ZNF804B: variants seen among roughly 807,000 people sequenced by gnomAD.
The protein encoded by ZNF804B is zinc finger 804B.
In ZNF804B, 80 loss-of-function variants were observed where a neutral mutation model predicts 101.4. The ratio of observed to expected loss-of-function variants is 0.79; its 90% CI spans 0.66 to 0.95. ZNF804B has a LOEUF of 0.95. ZNF804B is among the 40% of genes least tolerant of loss of function. The pLI, the probability that ZNF804B is intolerant of heterozygous loss-of-function variation, is 0.00. For synonymous variants in ZNF804B, 622 were observed against 558.8 expected, an observed-to-expected ratio of 1.11 and a Z score of -1.59; for missense variants, 1,673 against 1,561.9, an observed-to-expected ratio of 1.07 and a Z score of -1.20.
In ZNF804B at chr7:88,824,635, G is replaced by A. The variant is rs569640367; in HGVS notation, c.108+64551G>A. Reference sequence around the variant, plus strand: ...AAACACCACTTCTTGACCTGTTCCTGGCCCTTTCATCTATTTCTTCACTAT... The same window carrying A: ...AAACACCACTTCTTGACCTGTTCCTAGCCCTTTCATCTATTTCTTCACTAT... On this transcript the variant is annotated intron_variant, in intron 1 of 3. Transcript: ENST00000333190. 3.2e-4 allele frequency among the ~76,000 whole-genome samples: 49 copies of A among 152,146 alleles called. No individual in the cohort carries two copies. The South Asian group carries it at 1.0e-2, about 31-fold the overall frequency.
rs185624401 is a variant in ZNF804B at position 89,320,007 on chromosome 7, T to A, written c.250-7337T>A. Among the ~76,000 whole-genome samples, 6 of 147,878 alleles carry A rather than the reference T, an allele frequency of 4.1e-5. No homozygotes were observed. In the East Asian group the frequency reaches 1.2e-3, roughly 30 times the overall value. Reference sequence around the variant, plus strand: ...ATATAAGTCAAGAACATATTGCTCATCATCAAGAGGTATAATAGTCAATAC... The same window carrying A: ...ATATAAGTCAAGAACATATTGCTCAACATCAAGAGGTATAATAGTCAATAC... On this transcript the variant is annotated intron_variant, in intron 2 of 3. Transcript: ENST00000333190.
chr7:89,076,505 TC>T (rs368325855), intron 1 of ZNF804B, among the ~76,000 whole-genome samples: 34 of 152,242 alleles, frequency 2.2e-4, no homozygotes, highest in African/African-American at 8.2e-4. Flanking sequence ...CTCTTTTTCT[TC>T]CCAGTCTCAG....
At chr7:89,148,337 G>A (rs994250812) in intron 1 of ZNF804B, among the ~76,000 whole-genome samples, 1 of 151,988 alleles carries the variant, frequency 6.6e-6, no homozygotes, top group East Asian at 1.9e-4. Flanking sequence ...AGTTACTAGT[G>A]AAAGTGTTTG....
intron 1 of ZNF804B, among the ~76,000 whole-genome samples, chr7:88,860,453 G>A (rs749207911): frequency 3.9e-5 from 6 of 152,018 alleles, no homozygotes; most frequent in Non-Finnish European, 8.8e-5. Context: ...GCCCTGGTGG[G>A]TAGCAAAATT....
chr7:89,329,410 A>G (rs1277877792), intron 3 of ZNF804B, among the ~76,000 whole-genome samples: 3 of 151,840 alleles, frequency 2.0e-5, no homozygotes, highest in Non-Finnish European at 4.4e-5. Flanking sequence ...AAAGTTAAAA[A>G]TAAAATAAAA....
intron 2 of ZNF804B, among the ~76,000 whole-genome samples, chr7:89,263,243 G>A (rs1359340827): frequency 1.3e-5 from 2 of 152,118 alleles, no homozygotes; most frequent in Non-Finnish European, 2.9e-5. Flanking sequence ...CTCCAGCTGT[G>A]AGACCATGCT....
intron 2 of ZNF804B, among the ~76,000 whole-genome samples, chr7:89,233,023 G>A (rs1303526686): frequency 2.0e-5 from 3 of 152,090 alleles, no homozygotes; most frequent in Non-Finnish European, 4.4e-5. Flanking sequence ...CCGGGTTCAC[G>A]CCATTTTCCT....
chr7:88,997,657 G>A (rs1267122071), intron 1 of ZNF804B, among the ~76,000 whole-genome samples: 1 of 152,000 alleles, frequency 6.6e-6, no homozygotes, highest in Non-Finnish European at 1.5e-5. Flanking sequence ...GAAACCTGAA[G>A]GAATCATCTA....
At chr7:88,859,603 T>G (rs1791619064) in intron 1 of ZNF804B, among the ~76,000 whole-genome samples, 1 of 152,044 alleles carries the variant, frequency 6.6e-6, no homozygotes, top group Admixed American at 6.6e-5. Context: ...TTTTCTAGTT[T>G]TGATCTGACA....
At position 89,142,304 on chromosome 7, in the gene ZNF804B, TTTGTTG is replaced by T. The variant is rs148973759; in HGVS notation, c.109-75836_109-75831del. Among the ~76,000 whole-genome samples the T allele has an allele frequency of 7.2e-5, 11 of 151,802 alleles. No individual in the cohort carries two copies. In the South Asian group the frequency reaches 1.5e-3, roughly 20 times the overall value. ...TTGTTGTTTTTTGTTTTATTTTTCT[TTTGTTG>T]TTGTTGTTGTTGTTTGTTTTTGCTA... is the stretch of plus-strand genomic sequence containing the variant. On this transcript the variant is annotated intron_variant, in intron 1 of 3. Transcript: ENST00000333190.
intron 1 of ZNF804B, among the ~76,000 whole-genome samples, chr7:88,860,499 G>A (rs1469193691): frequency 6.6e-6 from 1 of 152,032 alleles, no homozygotes; most frequent in African/African-American, 2.4e-5. Context: ...AAGTTTTTTA[G>A]TCTTCATATT....
chr7:89,228,390 G>C (rs139717241), intron 2 of ZNF804B, among the ~76,000 whole-genome samples: 1 of 152,080 alleles, frequency 6.6e-6, no homozygotes, highest in Non-Finnish European at 1.5e-5. Flanking sequence ...TGGTAGAGCC[G>C]AGTGGTCTGT....
chr7:89,065,109 A>G (rs1789439370), intron 1 of ZNF804B, among the ~76,000 whole-genome samples: 2 of 152,180 alleles, frequency 1.3e-5, no homozygotes, highest in African/African-American at 4.8e-5. Flanking sequence ...TCCATGAGCC[A>G]CCTGTCAAGA....
intron 1 of ZNF804B, among the ~76,000 whole-genome samples, chr7:88,877,930 T>A (rs1791976727): frequency 1.3e-5 from 2 of 152,034 alleles, no homozygotes; most frequent in Admixed American, 1.3e-4. Flanking sequence ...AAAATAGAGG[T>A]TTTGAGAATA....
chr7:89,033,883 A>G (rs1788880704), intron 1 of ZNF804B, among the ~76,000 whole-genome samples: 1 of 152,042 alleles, frequency 6.6e-6, no homozygotes, highest in African/African-American at 2.4e-5. Context: ...TAGAAGATTA[A>G]TTATCTGATT....
chr7:89,283,253 C>G (rs1700540873), intron 2 of ZNF804B, among the ~76,000 whole-genome samples: 1 of 151,574 alleles, frequency 6.6e-6, no homozygotes, highest in African/African-American at 2.4e-5. Context: ...ACTGACACTA[C>G]TGAAGGAAAT....
intron 1 of ZNF804B, among the ~76,000 whole-genome samples, chr7:89,141,614 T>G (rs1266382301): frequency 1.3e-5 from 2 of 151,948 alleles, no homozygotes; most frequent in African/African-American, 2.4e-5. Context: ...AATTCTATGT[T>G]TAACTTTTTT....
rs766968477 is a variant in ZNF804B, at chr7:89,335,503, A to T, written c.2521A>T (p.Lys841Ter). ...NSQISCTGSS[K>*]KPPNCQGTQH... is the part of the protein sequence containing the mutation. ...ACAGATTTCCTGTACTGGAAGCAGT[A>T]AAAAACCACCTAATTGCCAGGGAAC... is the stretch of plus-strand genomic sequence containing the variant. The change falls in exon 4 of 4, where the codon AAA becomes TAA. Residue 841 changes from lysine to a stop codon, truncating the protein, a stop_gained. Coordinates refer to ENST00000333190, the MANE Select transcript of ZNF804B (RefSeq NM_181646.5). LOFTEE classifies it high-confidence loss of function. 2.5e-6 allele frequency: 4 copies of T among 1,613,954 alleles called. No homozygotes were observed. Among genetic ancestry groups the T allele is most frequent in the Non-Finnish European group, 3.4e-6 (4 of 1,179,938 alleles).
At chr7:89,256,376 AG>A (rs1315437614) in intron 2 of ZNF804B, among the ~76,000 whole-genome samples, 1 of 152,082 alleles carries the variant, frequency 6.6e-6, no homozygotes, top group Non-Finnish European at 1.5e-5. Context: ...AAAAATAGCA[AG>A]GTGCTAAATA....
Sources: allele counts gnomAD v4.1 joint callset (sites outside exome capture counted in the v4.1 genomes callset), GRCh38; gene constraint gnomAD v4.1.1; transcripts MANE v1.5; gene names NCBI Gene and HGNC (gene_info 2026-07-23, HGNC 2026-07-21).